The following HIPK3 variants were observed in gnomAD, a reference collection of about 807,000 sequenced individuals.
HIPK3 encodes the protein homeodomain interacting protein kinase 3.
A neutral mutation model predicts 124.2 loss-of-function variants in HIPK3; 47 were observed. The ratio of observed to expected loss-of-function variants is 0.38; its 90% confidence interval spans 0.30 to 0.48. The LOEUF (loss-of-function observed/expected upper bound fraction) is 0.48. Among genes scored for constraint, HIPK3 ranks in the 20% least tolerant of loss-of-function variants. The pLI is 0.98. For missense variants in HIPK3, 1,286 were observed against 1,454.3 expected, an observed-to-expected ratio of 0.88 and a Z score of 1.88; for synonymous variants, 482 against 515.2, an observed-to-expected ratio of 0.94 and a Z score of 0.87.
intron 10 of HIPK3, 35 bp downstream of exon 10, chr11:33,347,788 T>C: frequency 1.2e-6 from 2 of 1,613,114 alleles, no homozygotes; most frequent in Non-Finnish European, 1.7e-6. Flanking sequence ...GTGAATAGTT[T>C]GCAGACTAGA....
chr11:33,330,402 C>T (rs530797982), intron 3 of HIPK3, among the ~76,000 whole-genome samples: 4 of 152,132 alleles, frequency 2.6e-5, no homozygotes, highest in Non-Finnish European at 5.9e-5. Flanking sequence ...GATCTCAGCT[C>T]ACTGCAACAT....
chr11:33,331,640 A>G (rs1209074206), intron 3 of HIPK3, among the ~76,000 whole-genome samples: 1 of 152,124 alleles, frequency 6.6e-6, no homozygotes, highest in Non-Finnish European at 1.5e-5. Flanking sequence ...GGACCTCCAG[A>G]CATGCTGGGA....
intron 2 of HIPK3, among the ~76,000 whole-genome samples, chr11:33,320,417 T>C (rs1042250032): frequency 2.0e-5 from 3 of 151,928 alleles, no homozygotes; most frequent in African/African-American, 7.3e-5. Context: ...AATTTGACTT[T>C]TACTGTGATA....
At chr11:33,298,813 A>G (rs1565071870) in intron 2 of HIPK3, among the ~76,000 whole-genome samples, 1 of 152,170 alleles carries the variant, frequency 6.6e-6, no homozygotes, top group Non-Finnish European at 1.5e-5. Flanking sequence ...ACTTGCTGCA[A>G]TCTGACGATT....
At chr11:33,258,539 G>A (rs1850735130) in intron 1 of HIPK3, 8 of 985,476 alleles carry the variant, frequency 8.1e-6, no homozygotes, top group Non-Finnish European at 9.6e-6. Context: ...GCGGGAGGAA[G>A]GCGTGGCGGC....
At position 33,266,204 on chromosome 11, in the gene HIPK3, A is replaced by G. The variant is rs61887922; in HGVS notation, c.-3+8315A>G. 2.8e-3 allele frequency among the ~76,000 whole-genome samples: 423 copies of G among 152,052 alleles called. 1 individual carries two copies. Among genetic ancestry groups the G allele is most frequent in the Non-Finnish European group, 5.0e-3 (337 of 68,000 alleles). ...GTATATGATAAGTGAAATTAGCTGAATACTGTAAATTTTCTTTTATATTTG... is the reference window on the plus strand; with the variant it reads ...GTATATGATAAGTGAAATTAGCTGAGTACTGTAAATTTTCTTTTATATTTG... On this transcript the variant is annotated intron_variant, in intron 1 of 16. Transcript: ENST00000303296.
In HIPK3 at chr11:33,286,543, C is replaced by T. The variant is rs761336939; in HGVS notation, c.129C>T (p.Thr43=). Residue 43 remains threonine, a synonymous_variant, in exon 2 of 17, where the codon ACC becomes ACT. Coordinates refer to ENST00000303296, the MANE Select transcript of HIPK3 (RefSeq NM_005734.5). The part of the protein sequence containing the change: ...CVFQERNYPR[T]YVNGRNFGNS... ...TCCAGGAAAGAAACTATCCACGGAC[C>T]TATGTGAATGGTAGAAACTTTGGAA... 1.2e-6 allele frequency: 2 copies of T among 1,613,996 alleles called. No homozygotes were observed. Among genetic ancestry groups the T allele is most frequent in the South Asian group, 2.2e-5 (2 of 91,078 alleles).
At chr11:33,343,884 C>T (rs1853417362) in intron 8 of HIPK3, among the ~76,000 whole-genome samples, 1 of 152,108 alleles carries the variant, frequency 6.6e-6, no homozygotes, top group Non-Finnish European at 1.5e-5. Context: ...CCAGTGGCCA[C>T]AGTGGTGGTC....
At chr11:33,262,340 A>T (rs534334236) in intron 1 of HIPK3, among the ~76,000 whole-genome samples, 1 of 152,350 alleles carries the variant, frequency 6.6e-6, no homozygotes, top group African/African-American at 2.4e-5. Flanking sequence ...GGACAAAGAT[A>T]GAATAGATAT....
Position 33,337,061 on chromosome 11 carries a change from A to G in HIPK3, c.1222-14A>G, listed in dbSNP as rs1297029564. The stretch of plus-strand genomic sequence containing the variant: ...GAAAGAATAAACTATTCTGTTCTGT[A>G]AATTATTTTTCAGATTCGATACATT... On this transcript the variant is annotated splice_polypyrimidine_tract_variant and intron_variant, in intron 3 of 16. Coordinates refer to ENST00000303296, the MANE Select transcript of HIPK3 (RefSeq NM_005734.5). 2 of 1,581,816 alleles carry G rather than the reference A, an allele frequency of 1.3e-6. No individual in the cohort carries two copies. The highest frequency in any genetic ancestry group is 2.7e-5 in the African/African-American group (2 of 73,764).
intron 14 of HIPK3, among the ~76,000 whole-genome samples, chr11:33,350,237 T>G (rs1304382515): frequency 6.6e-6 from 1 of 152,176 alleles, no homozygotes; most frequent in Non-Finnish European, 1.5e-5. Flanking sequence ...CCACTATGAT[T>G]TTTTTCTCCC....
intron 3 of HIPK3, 76 bp from the exon 4 acceptor site, chr11:33,336,999 A>T: frequency 2.8e-6 from 3 of 1,058,690 alleles, no homozygotes; most frequent in Non-Finnish European, 4.2e-6. Flanking sequence ...CTGACCTAAC[A>T]TATAGCCTAG....
chr11:33,269,300 T>TA (rs769101518), intron 1 of HIPK3, among the ~76,000 whole-genome samples: 2 of 152,186 alleles, frequency 1.3e-5, no homozygotes, highest in Non-Finnish European at 2.9e-5. Flanking sequence ...TCCAACCCTT[T>TA]ACCTCTGGAC....
intron 2 of HIPK3, among the ~76,000 whole-genome samples, chr11:33,302,936 C>A (rs893046395): frequency 6.6e-6 from 1 of 152,078 alleles, no homozygotes; most frequent in Non-Finnish European, 1.5e-5. Flanking sequence ...AGGCATAGGG[C>A]AAAAACATTT....
At chr11:33,322,068 T>C (rs11825445) in intron 2 of HIPK3, among the ~76,000 whole-genome samples, 100,750 of 151,878 alleles carry the variant, frequency 0.66, 33,726 homozygotes, top group Non-Finnish European at 0.72. Context: ...GGCGCGATCT[T>C]GGCTCACTGC....
At position 33,339,918 on chromosome 11, in the gene HIPK3, A is replaced by AT. The variant is rs533402712; in HGVS notation, c.1613+393dup. Among the ~76,000 whole-genome samples the AT allele has an allele frequency of 1.2e-3, 181 of 151,060 alleles. 1 individual carries two copies. The highest frequency in any genetic ancestry group is 9.3e-3 in the East Asian group (48 of 5,160). ...TTGAGTCGTGCAACTTCCATTTTAC[A>AT]TTTTTTTTTCCCCACAACTTTTGCT... On this transcript the variant is annotated intron_variant, in intron 6 of 16. Coordinates refer to ENST00000303296, the MANE Select transcript of HIPK3 (RefSeq NM_005734.5).
chr11:33,282,455 G>A (rs939040637), intron 1 of HIPK3, among the ~76,000 whole-genome samples: 1 of 152,166 alleles, frequency 6.6e-6, no homozygotes, highest in African/African-American at 2.4e-5. Context: ...GCCAAGGTGG[G>A]TGGATTACTT....
At chr11:33,342,632 C>T (rs1590188861) in intron 8 of HIPK3, among the ~76,000 whole-genome samples, 1 of 151,568 alleles carries the variant, frequency 6.6e-6, no homozygotes, top group East Asian at 1.9e-4. Flanking sequence ...CAACCTGCAG[C>T]CTCCGCCTCC....
At chr11:33,300,854 G>A (rs2133925654) in intron 2 of HIPK3, among the ~76,000 whole-genome samples, 1 of 152,156 alleles carries the variant, frequency 6.6e-6, no homozygotes, top group East Asian at 1.9e-4. Context: ...TCTCACCTCA[G>A]CCTCCTGAGT....
Sources: allele counts gnomAD v4.1 joint callset (sites outside exome capture counted in the v4.1 genomes callset), GRCh38; gene constraint gnomAD v4.1.1; transcripts MANE v1.5; gene names NCBI Gene and HGNC (gene_info 2026-07-23, HGNC 2026-07-21).